Variants in GPC5 observed in about 807,000 individuals in gnomAD.
GPC5 encodes the protein glypican 5.
A neutral mutation model predicts 53.9 loss-of-function variants in GPC5; 47 were observed. That is an observed-to-expected ratio of 0.87 (90% CI 0.69 to 1.11). The LOEUF is 1.11. GPC5 is among the 50% of genes most tolerant of loss of function. The probability of loss-of-function intolerance (pLI) is 0.00; values close to 1 mark genes in which losing one functional copy is unlikely to be tolerated. For synonymous variants in GPC5, 286 were observed against 263.3 expected, an observed-to-expected ratio of 1.09 and a Z score of -0.84; for missense variants, 748 against 713.1, an observed-to-expected ratio of 1.05 and a Z score of -0.56.
chr13:92,847,363 G>A (rs551435245), intron 7 of GPC5, among the ~76,000 whole-genome samples: 12 of 152,190 alleles, frequency 7.9e-5, no homozygotes, highest in South Asian at 4.1e-4. Flanking sequence ...TTGTGTCCTC[G>A]CCCAAATCTC....
chr13:92,789,387 T>C (rs1197047606), intron 7 of GPC5, among the ~76,000 whole-genome samples: 1 of 152,168 alleles, frequency 6.6e-6, no homozygotes, highest in Non-Finnish European at 1.5e-5. Flanking sequence ...GTAGGTCAAA[T>C]GTAAAAATAA....
intron 2 of GPC5, among the ~76,000 whole-genome samples, chr13:91,595,416 C>G (rs1194464737): frequency 6.6e-6 from 1 of 152,150 alleles, no homozygotes; most frequent in Non-Finnish European, 1.5e-5. Context: ...TCTAATACTA[C>G]TTTAATTTTT....
At chr13:92,611,482 T>G (rs2139095828) in intron 7 of GPC5, among the ~76,000 whole-genome samples, 1 of 152,160 alleles carries the variant, frequency 6.6e-6, no homozygotes, top group East Asian at 1.9e-4. Flanking sequence ...TAAATTCCAG[T>G]AACATAATGT....
intron 7 of GPC5, among the ~76,000 whole-genome samples, chr13:92,286,650 C>T (rs924929533): frequency 6.6e-6 from 1 of 150,918 alleles, no homozygotes; most frequent in Non-Finnish European, 1.5e-5. Context: ...AAACCAAATA[C>T]CGCATGTTCT....
At chr13:91,524,248 T>C (rs982634431) in intron 2 of GPC5, among the ~76,000 whole-genome samples, 1 of 152,116 alleles carries the variant, frequency 6.6e-6, no homozygotes, top group African/African-American at 2.4e-5. Flanking sequence ...CTGTACATCT[T>C]TGGACTCTTG....
intron 7 of GPC5, among the ~76,000 whole-genome samples, chr13:92,590,394 G>A (rs534067993): frequency 3.3e-5 from 5 of 152,114 alleles, no homozygotes; most frequent in East Asian, 3.9e-4. Flanking sequence ...CCCAAAACCC[G>A]TTCCTATGCA....
chr13:91,537,448 C>T lies in GPC5; in HGVS notation c.325+88526C>T, dbSNP rs1166060972. ...AAGTGGGTGAAACAAACAACTCCTACAAAGATGCAAGCTACCAAAATTTAG... is the reference window on the plus strand; with the variant it reads ...AAGTGGGTGAAACAAACAACTCCTATAAAGATGCAAGCTACCAAAATTTAG... On this transcript the variant is annotated intron_variant, in intron 2 of 7. Transcript: ENST00000377067. Among the ~76,000 whole-genome samples the T allele has an allele frequency of 2.0e-5, 3 of 152,068 alleles. No individual in the cohort carries two copies. In the South Asian group the frequency reaches 6.2e-4, roughly 31 times the overall value.
intron 2 of GPC5, among the ~76,000 whole-genome samples, chr13:91,607,932 G>A (rs1411471253): frequency 2.0e-5 from 3 of 152,164 alleles, no homozygotes; most frequent in Admixed American, 2.0e-4. Flanking sequence ...GATTTTCTGA[G>A]TAATGGTGAT....
chr13:91,937,841 C>T, intron 6 of GPC5, among the ~76,000 whole-genome samples: 1 of 151,954 alleles, frequency 6.6e-6, no homozygotes, highest in Non-Finnish European at 1.5e-5. Flanking sequence ...TAGAGAGGCG[C>T]AGAAGTCTAA....
At chr13:92,752,490 G>A (rs1039028425) in intron 7 of GPC5, among the ~76,000 whole-genome samples, 2 of 152,196 alleles carry the variant, frequency 1.3e-5, no homozygotes, top group African/African-American at 4.8e-5. Flanking sequence ...GAGGAGCCAA[G>A]ATGGCCGAAT....
chr13:91,924,186 G>A (rs1594666748), intron 6 of GPC5, among the ~76,000 whole-genome samples: 1 of 152,156 alleles, frequency 6.6e-6, no homozygotes, highest in African/African-American at 2.4e-5. Context: ...TTAAAAATAA[G>A]TGAAACATAC....
chr13:91,890,665 G>A (rs7995800), intron 5 of GPC5, among the ~76,000 whole-genome samples: 24,015 of 152,144 alleles, frequency 0.16, 2,238 homozygotes, highest in Non-Finnish European at 0.2. Flanking sequence ...GTTAGGAGTT[G>A]TCCTGCAGTA....
chr13:91,479,015 C>T (rs1338507096), intron 2 of GPC5, among the ~76,000 whole-genome samples: 8 of 150,214 alleles, frequency 5.3e-5, no homozygotes, highest in East Asian at 2.0e-4. Flanking sequence ...TGGGTTCAAG[C>T]GATTCTCCTG....
At chr13:92,502,924 A>T (rs756765469) in intron 7 of GPC5, among the ~76,000 whole-genome samples, 1 of 151,998 alleles carries the variant, frequency 6.6e-6, no homozygotes, top group Non-Finnish European at 1.5e-5. Context: ...ATTCACCAAG[A>T]GCGCCCATAT....
chr13:91,510,839 A>C (rs1885196398), intron 2 of GPC5, among the ~76,000 whole-genome samples: 1 of 152,108 alleles, frequency 6.6e-6, no homozygotes, highest in Non-Finnish European at 1.5e-5. Context: ...TTGTTTTATT[A>C]ACTAATTTTA....
intron 2 of GPC5, among the ~76,000 whole-genome samples, chr13:91,673,048 G>T (rs946850828): frequency 6.6e-6 from 1 of 152,078 alleles, no homozygotes; most frequent in African/African-American, 2.4e-5. Flanking sequence ...CATGGATACG[G>T]GGATGGGAAC....
intron 7 of GPC5, among the ~76,000 whole-genome samples, chr13:92,541,334 T>C (rs61973651): frequency 0.17 from 25,707 of 151,694 alleles, 2,655 homozygotes; most frequent in Non-Finnish European, 0.23. Context: ...AAATATTATA[T>C]GAAAATGTAT....
intron 6 of GPC5, among the ~76,000 whole-genome samples, chr13:91,933,088 T>C (rs1277147232): frequency 6.6e-6 from 1 of 151,988 alleles, no homozygotes; most frequent in African/African-American, 2.4e-5. Context: ...GAAGCATTTT[T>C]TCAGAACTGC....
intron 7 of GPC5, among the ~76,000 whole-genome samples, chr13:92,258,655 G>A (rs758883366): frequency 9.9e-5 from 15 of 152,200 alleles, no homozygotes; most frequent in South Asian, 2.1e-4. Context: ...AAAAAATGTC[G>A]TTAATGGTAA....
Sources: allele counts gnomAD v4.1 joint callset (sites outside exome capture counted in the v4.1 genomes callset), GRCh38; gene constraint gnomAD v4.1.1; transcripts MANE v1.5; gene names NCBI Gene and HGNC (gene_info 2026-07-23, HGNC 2026-07-21).